Variants in DIP2A observed in about 807,000 individuals in gnomAD.
DIP2A encodes disco-interacting protein 2 homolog A.
DIP2A carries 85 observed loss-of-function variants against 177.4 expected under a neutral mutation model. The observed-to-expected ratio is 0.48, with a 90% CI of 0.40 to 0.57. The LOEUF (loss-of-function observed/expected upper bound fraction) is 0.57, where lower values mean the gene tolerates loss of function less well. Among genes scored for constraint, DIP2A ranks in the 20% least tolerant of loss-of-function variants. The pLI is 0.00. For missense variants in DIP2A, 1,791 were observed against 2,100.2 expected, an observed-to-expected ratio of 0.85 and a Z score of 2.88; for synonymous variants, 886 against 881.8, an observed-to-expected ratio of 1.00 and a Z score of -0.08.
chr21:46,543,917 A>C (rs914341084), intron 18 of DIP2A, among the ~76,000 whole-genome samples: 2 of 152,204 alleles, frequency 1.3e-5, no homozygotes, highest in Non-Finnish European at 2.9e-5. Context: ...TTGTGGCAAA[A>C]GGAAGCAAAT....
chr21:46,466,199 A>C (rs2054812449), intron 1 of DIP2A, among the ~76,000 whole-genome samples: 1 of 152,176 alleles, frequency 6.6e-6, no homozygotes, highest in Non-Finnish European at 1.5e-5. Flanking sequence ...AATTTTGTGA[A>C]CTAATATTTT....
intron 1 of DIP2A, among the ~76,000 whole-genome samples, chr21:46,471,330 C>T (rs2055361748): frequency 6.6e-6 from 1 of 152,176 alleles, no homozygotes; most frequent in African/African-American, 2.4e-5. Flanking sequence ...TGTGCCTGGC[C>T]TTATTTGTTT....
chr21:46,550,417 G>A (rs556709619), intron 22 of DIP2A, 126 bp from the exon 23 acceptor site: 7 of 862,648 alleles, frequency 8.1e-6, no homozygotes, highest in East Asian at 5.3e-5. Flanking sequence ...TTAACAAAGT[G>A]TCCAGAGGGC....
chr21:46,490,803 C>T, intron 3 of DIP2A, 84 bp downstream of exon 3: 21 of 1,431,746 alleles, frequency 1.5e-5, no homozygotes, highest in Non-Finnish European at 1.9e-5. Context: ...AGTTATTTTT[C>T]CTTTGCCACA....
chr21:46,531,253 G>A (rs1292140780), intron 9 of DIP2A, among the ~76,000 whole-genome samples: 1 of 152,088 alleles, frequency 6.6e-6, no homozygotes, highest in Non-Finnish European at 1.5e-5. Flanking sequence ...CTCAGCAGCA[G>A]GGGACACTCA....
intron 18 of DIP2A, among the ~76,000 whole-genome samples, chr21:46,544,884 G>A (rs563061434): frequency 2.6e-5 from 4 of 152,224 alleles, no homozygotes; most frequent in Admixed American, 1.3e-4. Context: ...TTTGTCAGCC[G>A]GGGCTTATTA....
At chr21:46,546,336 G>A (rs1468462894) in intron 20 of DIP2A, 3 of 1,036,696 alleles carry the variant, frequency 2.9e-6, no homozygotes, top group Non-Finnish European at 3.5e-6. Flanking sequence ...TCTCAACTGG[G>A]CAATTTTGCC....
At chr21:46,528,987 C>A in intron 8 of DIP2A, 105 bp from the exon 9 acceptor site, 1 of 609,190 alleles carries the variant, frequency 1.6e-6, no homozygotes, top group Non-Finnish European at 2.7e-6. Flanking sequence ...TAAATTTCCA[C>A]TAATGGGGTA....
rs1167778098 is a variant in DIP2A at position 46,567,683 on chromosome 21, T to C, written c.*61T>C. Reference sequence around the variant, plus strand: ...AGCCCCAGCAGTCCAAGGTGTGATGTGGGAAGACACCGCAGAGCTCACTCA... The same window carrying C: ...AGCCCCAGCAGTCCAAGGTGTGATGCGGGAAGACACCGCAGAGCTCACTCA... On this transcript the variant is annotated 3_prime_UTR_variant, in exon 38 of 38. Transcript: ENST00000417564. 6.5e-7 allele frequency: 1 copy of C among 1,531,862 alleles called. No homozygotes were observed. The highest frequency in any genetic ancestry group is 1.4e-5 in the African/African-American group (1 of 72,792). The allele number at this position is 1,531,862 out of a possible 1,614,324, so 94.9% of individuals were successfully genotyped here.
chr21:46,538,018 A>G lies in DIP2A; in HGVS notation c.1802-465A>G, dbSNP rs558981039. 3.6e-4 allele frequency among the ~76,000 whole-genome samples: 54 copies of G among 151,866 alleles called. 1 individual carries two copies. The highest frequency in any genetic ancestry group is 2.9e-3 in the Admixed American group (45 of 15,270). On this transcript the variant is annotated intron_variant, in intron 15 of 37. Coordinates refer to ENST00000417564, the MANE Select transcript of DIP2A (RefSeq NM_015151.4). The stretch of plus-strand genomic sequence containing the variant: ...AGGGGCAGCTCTCTCTGTCTGTCCT[A>G]CTTTATGGAGGGAAACTGAAGCTTG...
At chr21:46,487,454 A>G (rs1467883360) in intron 2 of DIP2A, among the ~76,000 whole-genome samples, 1 of 152,224 alleles carries the variant, frequency 6.6e-6, no homozygotes, top group Non-Finnish European at 1.5e-5. Flanking sequence ...AATGCTGGCC[A>G]TGCCCATTCT....
chr21:46,533,677 T>A, intron 11 of DIP2A, 30 bp downstream of exon 11: 1 of 1,613,622 alleles, frequency 6.2e-7, no homozygotes, highest in Non-Finnish European at 8.5e-7. Context: ...GGGGAGTCAG[T>A]GTTCTGACTG....
At chr21:46,474,666 G>A (rs1167512417) in intron 1 of DIP2A, among the ~76,000 whole-genome samples, 3 of 152,166 alleles carry the variant, frequency 2.0e-5, no homozygotes, top group African/African-American at 7.2e-5. Context: ...CTAAAGAGGT[G>A]AGATCTCACT....
In DIP2A at chr21:46,569,988, C is replaced by T. The variant is rs1306428307; in HGVS notation, c.*2366C>T. 6.6e-6 allele frequency: 1 copy of T among 152,096 alleles called. No homozygotes were observed. Among genetic ancestry groups the T allele is most frequent in the African/African-American group, 2.4e-5 (1 of 41,408 alleles). 9.4% of individuals were successfully genotyped at this position (152,096 alleles called of 1,614,324 possible). On this transcript the variant is annotated 3_prime_UTR_variant, in exon 38 of 38. Coordinates refer to ENST00000417564, the MANE Select transcript of DIP2A (RefSeq NM_015151.4). ...CTTTTTTAAATAATTTGCTTTTGTA[C>T]TTAATAAATTATAGACTTTAAAATC...
chr21:46,566,531 G>A, intron 36 of DIP2A, 29 bp from the exon 37 acceptor site: 1 of 1,613,700 alleles, frequency 6.2e-7, no homozygotes, highest in Non-Finnish European at 8.5e-7. Context: ...TTGGCTTTCT[G>A]GGCACGTGTA....
At chr21:46,460,634 AC>A (rs1196975451) in intron 1 of DIP2A, among the ~76,000 whole-genome samples, 1 of 152,174 alleles carries the variant, frequency 6.6e-6, no homozygotes, top group Admixed American at 6.5e-5. Context: ...ATATAATACA[AC>A]ATGTACTTGC....
intron 36 of DIP2A, among the ~76,000 whole-genome samples, chr21:46,566,090 G>A (rs2060828026): frequency 6.6e-6 from 1 of 152,194 alleles, no homozygotes; most frequent in Non-Finnish European, 1.5e-5. Context: ...TGGGCCCTTG[G>A]CCTCTGCTGA....
intron 16 of DIP2A, chr21:46,538,915 C>T (rs949405312): frequency 1.1e-4 from 32 of 290,540 alleles, no homozygotes; most frequent in Middle Eastern, 1.2e-3. Context: ...CTTTAGGCCT[C>T]ATCCCCACCC....
chr21:46,516,771 C>T (rs1479337094), intron 8 of DIP2A, among the ~76,000 whole-genome samples: 1 of 151,760 alleles, frequency 6.6e-6, no homozygotes, highest in South Asian at 2.1e-4. Context: ...GGGATTACAG[C>T]CATGAGCCAC....
Sources: allele counts gnomAD v4.1 joint callset (sites outside exome capture counted in the v4.1 genomes callset), GRCh38; gene constraint gnomAD v4.1.1; transcripts MANE v1.5; gene names NCBI Gene and HGNC (gene_info 2026-07-23, HGNC 2026-07-21).